Variants in GTF2E2 observed in about 807,000 individuals in gnomAD.
GTF2E2 encodes the protein general transcription factor IIE subunit 2.
A neutral mutation model predicts 40.5 loss-of-function variants in GTF2E2; 21 were observed. That is an observed-to-expected ratio of 0.52 (90% CI 0.37 to 0.75). GTF2E2 has a LOEUF of 0.75. Ranked by LOEUF, GTF2E2 falls within the 30% of genes least tolerant of loss-of-function variation. GTF2E2 has a pLI of 0.00. For missense variants in GTF2E2, 298 were observed against 338.4 expected (o/e 0.88, Z 0.94); for synonymous variants, 117 against 121.6 (o/e 0.96, Z 0.25).
At position 30,658,147 on chromosome 8, in the gene GTF2E2, G is replaced by GGCGGCGGCGGCGGCGGCGGCA; in HGVS notation, c.-180_-179insTGCCGCCGCCGCCGCCGCCGC. 1 of 195,052 alleles carries GGCGGCGGCGGCGGCGGCGGCA rather than the reference G, an allele frequency of 5.1e-6. No homozygotes were observed. The highest frequency in any genetic ancestry group is 7.4e-5 in the South Asian group (1 of 13,564). The allele number at this position is 195,052 out of a possible 1,614,324, so 12.1% of individuals were successfully genotyped here. On this transcript the variant is annotated 5_prime_UTR_variant, in exon 1 of 8. Coordinates refer to ENST00000355904, the MANE Select transcript of GTF2E2 (RefSeq NM_002095.6). ...TCGGGGTCTCACCACTGGCGGTGGCGGCGGCGGCGGCGGCAGCGGCGGTAG... is the reference window on the plus strand; with the variant it reads ...TCGGGGTCTCACCACTGGCGGTGGCGGCGGCGGCGGCGGCGGCGGCAGCGGCGGCGGCGGCAGCGGCGGTAG...
At chr8:30,589,818 T>C (rs28687572) in intron 6 of GTF2E2, among the ~76,000 whole-genome samples, 1 of 152,162 alleles carries the variant, frequency 6.6e-6, no homozygotes, top group East Asian at 1.9e-4. Context: ...GCAATTGCAC[T>C]TTTTACTCGG....
intron 2 of GTF2E2, among the ~76,000 whole-genome samples, chr8:30,650,595 G>A (rs1236585197): frequency 7.3e-5 from 11 of 151,404 alleles, no homozygotes; most frequent in East Asian, 3.9e-4. Context: ...TCAGCTACCC[G>A]GGAGACTGAG....
At chr8:30,600,358 C>T (rs1585950458) in intron 6 of GTF2E2, among the ~76,000 whole-genome samples, 1 of 152,262 alleles carries the variant, frequency 6.6e-6, no homozygotes, top group East Asian at 1.9e-4. Flanking sequence ...TTTTATTTTT[C>T]CGATACTAAT....
intron 6 of GTF2E2, among the ~76,000 whole-genome samples, chr8:30,591,624 A>C (rs1332317144): frequency 1.3e-5 from 2 of 152,252 alleles, no homozygotes; most frequent in East Asian, 1.9e-4. Context: ...AATGGCTAAA[A>C]TCAGTGTTGG....
intron 3 of GTF2E2, among the ~76,000 whole-genome samples, chr8:30,616,208 G>A (rs905415930): frequency 2.0e-5 from 3 of 152,074 alleles, no homozygotes; most frequent in African/African-American, 4.8e-5. Context: ...TTGGGAAAAC[G>A]AAGCAGGCCA....
chr8:30,632,690 GC>G (rs1801476504), intron 3 of GTF2E2, among the ~76,000 whole-genome samples: 1 of 152,118 alleles, frequency 6.6e-6, no homozygotes, highest in Admixed American at 6.5e-5. Flanking sequence ...TTTTTGATAT[GC>G]TTCCTAGAAG....
rs1800857890 is a variant in GTF2E2 at position 30,614,590 on chromosome 8, A to G, written c.366+18T>C. ...CTAGTTACAGGAAATCTCTCTTGAT[A>G]ATCAACTAAATTCTTACCTCAGTCA... On this transcript the variant is annotated intron_variant, in intron 4 of 7. Transcript: ENST00000355904. 7.8e-7 allele frequency: 1 copy of G among 1,280,116 alleles called. No homozygotes were observed. The highest frequency in any genetic ancestry group is 1.1e-6 in the Non-Finnish European group (1 of 885,074). 79.3% of individuals were successfully genotyped at this position (1,280,116 alleles called of 1,614,324 possible). A position where few individuals can be genotyped will look rare whatever the true frequency, so the allele number is the denominator to read the frequency against.
rs907083117 is a variant in GTF2E2 at position 30,642,709 on chromosome 8, T to A, written c.167-7586A>T. Among the ~76,000 whole-genome samples, 3 of 152,330 alleles carry A rather than the reference T, an allele frequency of 2.0e-5. No homozygotes were observed. In the South Asian group the frequency reaches 6.2e-4, roughly 32 times the overall value. ...TACACTATCCTACACCTTGTTCTTT[T>A]CACTTAAGAACATATCCTAAATATC... On this transcript the variant is annotated intron_variant, in intron 2 of 7. Coordinates refer to ENST00000355904, the MANE Select transcript of GTF2E2 (RefSeq NM_002095.6).
intron 2 of GTF2E2, among the ~76,000 whole-genome samples, chr8:30,639,086 T>C (rs1053366089): frequency 1.3e-5 from 2 of 152,204 alleles, no homozygotes; most frequent in African/African-American, 4.8e-5. Flanking sequence ...TGCTAAAAAA[T>C]AGTTACTTAT....
chr8:30,604,356 C>A (rs1829262573), intron 6 of GTF2E2, among the ~76,000 whole-genome samples: 2 of 152,084 alleles, frequency 1.3e-5, no homozygotes, highest in South Asian at 2.1e-4. Flanking sequence ...TTAGCAACAA[C>A]AAAGATCTGA....
intron 2 of GTF2E2, among the ~76,000 whole-genome samples, chr8:30,650,625 T>C (rs905695588): frequency 1.3e-5 from 2 of 148,438 alleles, no homozygotes; most frequent in East Asian, 3.9e-4. Flanking sequence ...AGCTGGGGAG[T>C]TTCGAGGCTG....
intron 2 of GTF2E2, chr8:30,645,658 T>TA: frequency 7.0e-7 from 1 of 1,438,190 alleles, no homozygotes; most frequent in African/African-American, 1.4e-5. Context: ...AGAAAAAAAA[T>TA]ATATTCTGAG....
intron 3 of GTF2E2, among the ~76,000 whole-genome samples, chr8:30,627,364 A>G (rs1220930095): frequency 1.3e-5 from 2 of 150,512 alleles, no homozygotes; most frequent in African/African-American, 2.4e-5. Flanking sequence ...GGAAACAAGA[A>G]GTCCATCTTA....
chr8:30,579,096 A>G, intron 7 of GTF2E2, 59 bp from the exon 8 acceptor site: 1 of 912,834 alleles, frequency 1.1e-6, no homozygotes, highest in Non-Finnish European at 1.8e-6. Context: ...TGGTGTGGCC[A>G]GGATGTTCTG....
At chr8:30,611,134 C>A (rs1278669009) in intron 5 of GTF2E2, among the ~76,000 whole-genome samples, 1 of 152,128 alleles carries the variant, frequency 6.6e-6, no homozygotes, top group Non-Finnish European at 1.5e-5. Context: ...GCTAGAAGAA[C>A]AGAAGAGACA....
rs140407418 is a variant in GTF2E2 at position 30,647,803 on chromosome 8, T to C, written c.166+5630A>G. 2.8e-4 allele frequency among the ~76,000 whole-genome samples: 42 copies of C among 152,352 alleles called. No homozygotes were observed. In the East Asian group the frequency reaches 6.9e-3, roughly 25 times the overall value. ...GATTCTTGGCAATAGATGGTAAGTA[T>C]ACAAGTCCTTTAATAATCAGATTTT... On this transcript the variant is annotated intron_variant, in intron 2 of 7. Coordinates refer to ENST00000355904, the MANE Select transcript of GTF2E2 (RefSeq NM_002095.6).
At chr8:30,592,917 A>T (rs547389848) in intron 6 of GTF2E2, among the ~76,000 whole-genome samples, 1 of 152,246 alleles carries the variant, frequency 6.6e-6, no homozygotes, top group South Asian at 2.1e-4. Context: ...ACATACACAC[A>T]GGGCCAGGCA....
intron 3 of GTF2E2, among the ~76,000 whole-genome samples, chr8:30,631,211 G>C (rs550104417): frequency 2.0e-5 from 3 of 152,082 alleles, no homozygotes; most frequent in Non-Finnish European, 4.4e-5. Context: ...TTTTAGTAGA[G>C]ACGGGGTTTC....
In GTF2E2 at chr8:30,607,729, A is replaced by G. The variant is rs146435505; in HGVS notation, c.550-579T>C. ...AAATTCAATCTTTGCTGCAATTACT[A>G]TTTGGGTCCATGGGGCTCTTTCACT... On this transcript the variant is annotated intron_variant, in intron 5 of 7. Transcript: ENST00000355904. 6.6e-4 allele frequency among the ~76,000 whole-genome samples: 100 copies of G among 152,286 alleles called. 1 individual carries two copies. Among genetic ancestry groups the G allele is most frequent in the Middle Eastern group, 6.8e-3 (2 of 294 alleles).
Sources: gnomAD v4.1 joint callset for allele counts (sites outside exome capture counted in the v4.1 genomes callset) on GRCh38, gnomAD v4.1.1 for gene constraint, MANE v1.5 for transcripts, NCBI Gene and HGNC (gene_info 2026-07-23, HGNC 2026-07-21) for gene names.